PCDH7: variants seen among roughly 807,000 people sequenced by gnomAD.
PCDH7 encodes the protein protocadherin-7.
In PCDH7, 17 loss-of-function variants were observed where a neutral mutation model predicts 58.9. That is an observed-to-expected ratio of 0.29 (90% confidence interval 0.20 to 0.43). The LOEUF (loss-of-function observed/expected upper bound fraction) is 0.43. PCDH7 is among the 20% of genes least tolerant of loss of function. PCDH7 has a pLI of 1.00. For missense variants in PCDH7, 1,274 were observed against 1,441.0 expected, an observed-to-expected ratio of 0.88 and a Z score of 1.88; for synonymous variants, 664 against 616.4, an observed-to-expected ratio of 1.08 and a Z score of -1.14.
intron 1 of PCDH7, among the ~76,000 whole-genome samples, chr4:30,821,913 C>G (rs1728423310): frequency 6.6e-6 from 1 of 152,058 alleles, no homozygotes; most frequent in African/African-American, 2.4e-5. Context: ...AATGTGTATC[C>G]CAGAGGCACT....
At chr4:30,832,997 G>A (rs748395442) in intron 1 of PCDH7, among the ~76,000 whole-genome samples, 24 of 152,102 alleles carry the variant, frequency 1.6e-4, no homozygotes, top group Non-Finnish European at 2.8e-4. Flanking sequence ...GGAATCCAGT[G>A]TTAAAGTATA....
At chr4:30,946,160 A>C (rs1222278378) in intron 2 of PCDH7, among the ~76,000 whole-genome samples, 1 of 152,118 alleles carries the variant, frequency 6.6e-6, no homozygotes, top group Non-Finnish European at 1.5e-5. Context: ...TTTAAGACAG[A>C]CCTTACTGAT....
At chr4:31,110,901 C>T (rs928034844) in intron 3 of PCDH7, among the ~76,000 whole-genome samples, 3 of 147,338 alleles carry the variant, frequency 2.0e-5, no homozygotes, top group Admixed American at 6.8e-5. Context: ...GATGACAGAG[C>T]GAGACTATGT....
In PCDH7 at chr4:30,828,444, C is replaced by A; in HGVS notation, c.71-91709C>A. The stretch of plus-strand genomic sequence containing the variant: ...AACATATGAAATATACCCAGCTATT[C>A]ACATTTTTGTGGCTTAAAACAATGT... On this transcript the variant is annotated intron_variant, in intron 1 of 3. Coordinates refer to the PCDH7 transcript ENST00000509759. Among the ~76,000 whole-genome samples, 2 of 151,936 alleles carry A rather than the reference C, an allele frequency of 1.3e-5. 1 individual carries two copies. The highest frequency in any genetic ancestry group is 3.9e-4 in the East Asian group (2 of 5,174).
At chr4:30,805,105 TTTTCCTC>T (rs1726014384) in intron 1 of PCDH7, among the ~76,000 whole-genome samples, 1 of 152,198 alleles carries the variant, frequency 6.6e-6, no homozygotes, top group African/African-American at 2.4e-5. Flanking sequence ...ATTTACTTGG[TTTTCCTC>T]CTTAATTGCT....
chr4:30,948,982 A>G (rs1002450960), intron 2 of PCDH7, among the ~76,000 whole-genome samples: 1 of 152,120 alleles, frequency 6.6e-6, no homozygotes, highest in African/African-American at 2.4e-5. Context: ...TTTCCCAAAC[A>G]TTGGGATTAA....
chr4:31,011,380 A>T (rs1231351643), intron 3 of PCDH7, among the ~76,000 whole-genome samples: 2 of 152,004 alleles, frequency 1.3e-5, no homozygotes, highest in Admixed American at 1.3e-4. Flanking sequence ...TTCAACATGG[A>T]TCTTTTATTC....
At chr4:30,878,257 T>C (rs1170426767) in intron 1 of PCDH7, among the ~76,000 whole-genome samples, 1 of 152,008 alleles carries the variant, frequency 6.6e-6, no homozygotes. Flanking sequence ...TTTCAGTCAG[T>C]GGAGAGTAAA....
intron 1 of PCDH7, among the ~76,000 whole-genome samples, chr4:30,817,832 A>G (rs1317770992): frequency 5.3e-5 from 8 of 152,158 alleles, no homozygotes; most frequent in Non-Finnish European, 8.8e-5. Context: ...ACAGCACTCT[A>G]TTTTTAAAAC....
chr4:30,721,098 C>T lies in PCDH7; in HGVS notation c.-325C>T. 1 of 315,340 alleles carries T rather than the reference C, an allele frequency of 3.2e-6. No homozygotes were observed. Among genetic ancestry groups the T allele is most frequent in the Non-Finnish European group, 5.8e-6 (1 of 173,010 alleles). The allele number at this position is 315,340 out of a possible 1,614,324, so 19.5% of individuals were successfully genotyped here. ...CTCTGGGTTGGGGGAGCGCCGAACC[C>T]GCGGCGCGCAGTGTCCCGTGAACTG... On this transcript the variant is annotated 5_prime_UTR_variant, in exon 1 of 2. Coordinates refer to ENST00000361762, the Ensembl canonical transcript of PCDH7. The surrounding 1 kb of genome is among the most constrained non-coding windows in gnomAD (Gnocchi z 6.7).
At chr4:30,882,049 TTCCTCCTCCTCTTCCTACCTCTCA>T (rs1449449921) in intron 1 of PCDH7, among the ~76,000 whole-genome samples, 10 of 151,732 alleles carry the variant, frequency 6.6e-5, no homozygotes, top group African/African-American at 2.4e-4. Context: ...GTCCTTTCTC[TTCCTCCTCCTCTTCCTACCTCTCA>T]TCCTCCTCCT....
chr4:30,962,883 T>A (rs1485818978), intron 3 of PCDH7, among the ~76,000 whole-genome samples: 1 of 151,876 alleles, frequency 6.6e-6, no homozygotes, highest in African/African-American at 2.4e-5. Context: ...TTAGTACGTA[T>A]CTTGATAACT....
intron 3 of PCDH7, among the ~76,000 whole-genome samples, chr4:31,017,720 AAAAAT>A (rs1753728419): frequency 6.6e-6 from 1 of 151,834 alleles, no homozygotes. Context: ...ATAGAGAGAA[AAAAAT>A]AAAATAAAAT....
chr4:31,140,142 T>A (rs1019484985), intron 3 of PCDH7, among the ~76,000 whole-genome samples: 2 of 152,172 alleles, frequency 1.3e-5, no homozygotes, highest in Non-Finnish European at 2.9e-5. Context: ...GAGCTGTAGG[T>A]AGTTTAGGTA....
intron 3 of PCDH7, among the ~76,000 whole-genome samples, chr4:31,074,589 C>G (rs1758815752): frequency 6.6e-6 from 1 of 151,186 alleles, no homozygotes; most frequent in Non-Finnish European, 1.5e-5. Context: ...TCCAGACCAA[C>G]TTGGCTAACA....
At chr4:31,016,429 T>G (rs922413582) in intron 3 of PCDH7, among the ~76,000 whole-genome samples, 2 of 150,268 alleles carry the variant, frequency 1.3e-5, no homozygotes, top group Non-Finnish European at 3.0e-5. Flanking sequence ...ACATCACTAT[T>G]GCTTTTATTA....
chr4:31,112,553 C>T (rs918296981), intron 3 of PCDH7, among the ~76,000 whole-genome samples: 10 of 152,106 alleles, frequency 6.6e-5, no homozygotes, highest in African/African-American at 1.2e-4. Context: ...GTTCAGTTGG[C>T]GTAACATGCT....
chr4:31,051,643 T>C (rs765120342), intron 3 of PCDH7, among the ~76,000 whole-genome samples: 39 of 152,074 alleles, frequency 2.6e-4, no homozygotes, highest in Non-Finnish European at 4.1e-4. Flanking sequence ...TCTTAACAAG[T>C]AAAATAAAAC....
At chr4:30,730,681 C>A in intron 1 of PCDH7, 4 of 1,125,152 alleles carry the variant, frequency 3.6e-6, no homozygotes, top group Non-Finnish European at 5.2e-6. Flanking sequence ...TCCAATTGGG[C>A]ATAAGACACT....
Sources: allele counts gnomAD v4.1 joint callset (sites outside exome capture counted in the v4.1 genomes callset), GRCh38; gene constraint gnomAD v4.1.1; non-coding constraint Gnocchi (gnomAD v3.1); transcripts MANE v1.5; gene names NCBI Gene and HGNC (gene_info 2026-07-23, HGNC 2026-07-21).